The following INTS9 variants were observed in gnomAD, a reference collection of about 807,000 sequenced individuals.
INTS9 encodes the protein protein related to CPSF subunits of 74 kDa.
A neutral mutation model predicts 79.7 loss-of-function variants in INTS9; 55 were observed. The ratio of observed to expected loss-of-function variants is 0.69; its 90% CI spans 0.56 to 0.86. The LOEUF (loss-of-function observed/expected upper bound fraction) is 0.86. Among genes scored for constraint, INTS9 ranks in the 40% least tolerant of loss-of-function variants. The probability of loss-of-function intolerance (pLI) is 0.00; values close to 1 mark genes in which losing one functional copy is unlikely to be tolerated. For synonymous variants in INTS9, 319 were observed against 325.2 expected (o/e 0.98, Z 0.20); for missense variants, 721 against 831.5 (o/e 0.87, Z 1.64).
chr8:28,796,381 A>G (rs1243822146), intron 9 of INTS9, among the ~76,000 whole-genome samples, 163 bp downstream of exon 9: 2 of 151,990 alleles, frequency 1.3e-5, no homozygotes, highest in African/African-American at 4.8e-5. Flanking sequence ...AAAGTGTAAC[A>G]CTCTTTTCTG....
chr8:28,799,897 G>T (rs1585375366), intron 8 of INTS9, among the ~76,000 whole-genome samples: 1 of 152,116 alleles, frequency 6.6e-6, no homozygotes, highest in East Asian at 1.9e-4. Flanking sequence ...ATGATGTTTT[G>T]CTCCAGTTTT....
chr8:28,827,891 C>T (rs1806244485), intron 6 of INTS9, among the ~76,000 whole-genome samples: 1 of 152,146 alleles, frequency 6.6e-6, no homozygotes, highest in Non-Finnish European at 1.5e-5. Flanking sequence ...GTTCTGGAGC[C>T]ACTCAGAGGT....
rs988354206 is a variant in INTS9 at position 28,888,929 on chromosome 8, G to A, written c.9+945C>T. 2.0e-5 allele frequency among the ~76,000 whole-genome samples: 3 copies of A among 151,548 alleles called. No homozygotes were observed. The East Asian group carries it at 5.8e-4, about 29-fold the overall frequency. On this transcript the variant is annotated intron_variant, in intron 1 of 16. Transcript: ENST00000521022. ...ATAAACTTTTTTTTTTTTTGAGACA[G>A]AGTCTCGCGCTGTTGCAAGGCTGGA...
intron 6 of INTS9, among the ~76,000 whole-genome samples, chr8:28,817,682 T>A (rs1805577721): frequency 6.6e-6 from 1 of 151,088 alleles, no homozygotes. Flanking sequence ...TTTTTTCCAA[T>A]TCTGTGAAGA....
intron 1 of INTS9, among the ~76,000 whole-genome samples, chr8:28,869,942 G>A (rs1038430210): frequency 2.6e-5 from 4 of 151,916 alleles, no homozygotes; most frequent in Non-Finnish European, 4.4e-5. Context: ...AATGAGACAA[G>A]CAGCAGAGGG....
chr8:28,883,664 CA>C (rs1810015357), intron 1 of INTS9, among the ~76,000 whole-genome samples: 2 of 152,166 alleles, frequency 1.3e-5, no homozygotes, highest in South Asian at 4.1e-4. Context: ...TCAGGACATT[CA>C]ATGTAATACT....
chr8:28,843,492 T>A (rs1207569397), intron 4 of INTS9, among the ~76,000 whole-genome samples: 1 of 152,234 alleles, frequency 6.6e-6, no homozygotes, highest in Non-Finnish European at 1.5e-5. Context: ...TTTCCTGTTA[T>A]CTTGACATTT....
chr8:28,780,800 G>GT (rs1244905811), intron 12 of INTS9, 23 bp downstream of exon 12: 3 of 1,611,678 alleles, frequency 1.9e-6, no homozygotes, highest in African/African-American at 1.3e-5. Flanking sequence ...GAACCAATTT[G>GT]TTTCTTTATT....
chr8:28,876,728 A>G (rs1809412024), intron 1 of INTS9, among the ~76,000 whole-genome samples: 2 of 152,170 alleles, frequency 1.3e-5, no homozygotes, highest in Non-Finnish European at 2.9e-5. Flanking sequence ...TGGAAAACCC[A>G]TGAGAATCAA....
Position 28,790,475 on chromosome 8 carries a change from G to A in INTS9, c.1038-2586C>T, listed in dbSNP as rs117314449. On this transcript the variant is annotated intron_variant, in intron 10 of 16. Transcript: ENST00000521022. ...CCCGAGTAGCTGGAACTATGGACATGCACCACCATACCCTGCTAATATTTT... is the reference window on the plus strand; with the variant it reads ...CCCGAGTAGCTGGAACTATGGACATACACCACCATACCCTGCTAATATTTT... 6.8e-3 allele frequency among the ~76,000 whole-genome samples: 1,034 copies of A among 152,228 alleles called. 32 individuals are homozygous for A. The highest frequency in any genetic ancestry group is 0.047 in the Admixed American group (712 of 15,300).
chr8:28,878,868 T>C (rs1032585102), intron 1 of INTS9, among the ~76,000 whole-genome samples: 1 of 151,864 alleles, frequency 6.6e-6, no homozygotes, highest in African/African-American at 2.4e-5. Flanking sequence ...TAGTACCAGC[T>C]ATTCTGGAGG....
chr8:28,823,149 G>C (rs1240929980), intron 6 of INTS9, among the ~76,000 whole-genome samples: 1 of 152,168 alleles, frequency 6.6e-6, no homozygotes, highest in Non-Finnish European at 1.5e-5. Context: ...GACTGAACAT[G>C]ATGGGTGGCA....
At chr8:28,850,145 G>A in intron 3 of INTS9, 68 bp downstream of exon 3, 1 of 1,270,326 alleles carries the variant, frequency 7.9e-7, no homozygotes, top group Non-Finnish European at 1.1e-6. Flanking sequence ...CTACAGGGTG[G>A]CTCTGGTATG....
chr8:28,801,098 T>C (rs983466080), intron 8 of INTS9, among the ~76,000 whole-genome samples: 5 of 152,164 alleles, frequency 3.3e-5, no homozygotes, highest in Admixed American at 1.3e-4. Flanking sequence ...CAGAGCATAG[T>C]ATTGCAGAAA....
rs556279656 is a variant in INTS9, at chr8:28,846,783, T to C, written c.225A>G (p.Val75=). 2.4e-5 allele frequency: 39 copies of C among 1,613,622 alleles called. No homozygotes were observed. In the South Asian group the frequency reaches 4.1e-4, roughly 17 times the overall value. The change falls in exon 4 of 17, where the codon GTA becomes GTG. Residue 75 remains valine (V), a synonymous_variant. Coordinates refer to ENST00000521022, the MANE Select transcript of INTS9 (RefSeq NM_018250.4). ...AGAATTCCGGCACAGAATCCACAAA[T>C]ACATGACCCGAGCACTCCTTTAGCT... ...DKELKECSGH[V]FVDSVPEFCL...
At chr8:28,822,725 G>C (rs1312819884) in intron 6 of INTS9, among the ~76,000 whole-genome samples, 1 of 152,198 alleles carries the variant, frequency 6.6e-6, no homozygotes, top group Admixed American at 6.5e-5. Flanking sequence ...CATTTCAACA[G>C]CACTCCTGGA....
chr8:28,844,415 C>G (rs1324422655), intron 4 of INTS9, among the ~76,000 whole-genome samples: 1 of 152,076 alleles, frequency 6.6e-6, no homozygotes, highest in African/African-American at 2.4e-5. Context: ...TTGTGTGCAC[C>G]TGTGGTCCCA....
At chr8:28,887,487 G>A (rs1040934325) in intron 1 of INTS9, among the ~76,000 whole-genome samples, 2 of 152,224 alleles carry the variant, frequency 1.3e-5, no homozygotes, top group Non-Finnish European at 2.9e-5. Flanking sequence ...TAGATTGTGT[G>A]TGGGAAGGGT....
At chr8:28,838,201 GA>G (rs1806928048) in intron 4 of INTS9, among the ~76,000 whole-genome samples, 1 of 151,940 alleles carries the variant, frequency 6.6e-6, no homozygotes, top group Non-Finnish European at 1.5e-5. Flanking sequence ...GCAGCACACA[GA>G]AACCAGCTCT....
Sources: gnomAD v4.1 joint callset for allele counts (sites outside exome capture counted in the v4.1 genomes callset) on GRCh38, gnomAD v4.1.1 for gene constraint, MANE v1.5 for transcripts, NCBI Gene and HGNC (gene_info 2026-07-23, HGNC 2026-07-21) for gene names.